The following MSH6 variants were observed in gnomAD, a reference collection of about 807,000 sequenced individuals.
MSH6 encodes mutS homolog 6, also known as DNA mismatch repair protein Msh6.
A neutral mutation model predicts 119.1 loss-of-function variants in MSH6; 85 were observed. That is an observed-to-expected ratio of 0.71 (90% CI 0.60 to 0.85). The LOEUF (loss-of-function observed/expected upper bound fraction) is 0.85. Ranked by LOEUF, MSH6 falls within the 40% of genes least tolerant of loss-of-function variation. The pLI, the probability that MSH6 is intolerant of heterozygous loss-of-function variation, is 0.00. For missense variants in MSH6, 2,163 were observed against 1,655.3 expected (o/e 1.31, Z -5.32); for synonymous variants, 830 against 586.9 (o/e 1.41, Z -5.99).
intron 4 of MSH6, 150 bp from the exon 5 acceptor site, chr2:47,803,270 G>A: frequency 3.7e-6 from 4 of 1,092,752 alleles, no homozygotes; most frequent in Non-Finnish European, 5.4e-6. Flanking sequence ...AGATGTTAGA[G>A]GGTAAGTATT....
chr2:47,796,518 A>G (rs1162111796), intron 3 of MSH6, among the ~76,000 whole-genome samples: 1 of 152,214 alleles, frequency 6.6e-6, no homozygotes, highest in East Asian at 1.9e-4. Flanking sequence ...TTGGGATTAC[A>G]GGCATGAGCC....
At chr2:47,793,732 A>C (rs1668898175) in intron 2 of MSH6, among the ~76,000 whole-genome samples, 1 of 151,878 alleles carries the variant, frequency 6.6e-6, no homozygotes, top group Non-Finnish European at 1.5e-5. Flanking sequence ...AATTTGGCAG[A>C]ATTACTTTTT....
In MSH6 at chr2:47,783,415, C is replaced by A. The variant is rs572336612; in HGVS notation, c.182C>A (p.Ala61Glu). Residue 61 changes from alanine to glutamate, a missense_variant, in exon 1 of 10, where the codon GCG becomes GAG. Ala to Glu is a moderately radical substitution (Grantham distance 107). Transcript: ENST00000234420. Reference sequence around the variant, plus strand: ...GCTGGGCCTGGGCCCAGGCCCTTGGCGCGCTCCGCGTCACCGCCCAAGGCG... The same window carrying A: ...GCTGGGCCTGGGCCCAGGCCCTTGGAGCGCTCCGCGTCACCGCCCAAGGCG... ...SEAGPGPRPL[A>E]RSASPPKAKN... 6.6e-7 allele frequency: 1 copy of A among 1,519,884 alleles called. No homozygotes were observed. The highest frequency in any genetic ancestry group is 1.2e-5 in the South Asian group (1 of 80,478). 94.1% of individuals were successfully genotyped at this position (1,519,884 alleles called of 1,614,324 possible). A position where few individuals can be genotyped will look rare whatever the true frequency, so the allele number is the denominator to read the frequency against.
At position 47,791,103 on chromosome 2, in the gene MSH6, G is replaced by C. The variant is rs1553410372; in HGVS notation, c.437G>C (p.Arg146Thr). The C allele has an allele frequency of 1.2e-6, 2 of 1,614,164 alleles. No individual in the cohort carries two copies. The highest frequency in any genetic ancestry group is 2.2e-5 in the South Asian group (2 of 91,072). ...CCAACAAGGGGCTGGGTTAGCAAAAGGCTTTTAAAGCCATATACAGGTAAG... is the reference window on the plus strand; with the variant it reads ...CCAACAAGGGGCTGGGTTAGCAAAACGCTTTTAAAGCCATATACAGGTAAG... ...DSPTRGWVSK[R>T]LLKPYTGSKS... is the part of the protein sequence containing the mutation. The change falls in exon 2 of 10, where the codon AGG becomes ACG. Residue 146 changes from arginine to threonine, a missense_variant. By Grantham distance (71) the Arg-to-Thr change is moderately conservative. Coordinates refer to ENST00000234420, the MANE Select transcript of MSH6 (RefSeq NM_000179.3).
chr2:47,793,579 C>T (rs897999258), intron 2 of MSH6, among the ~76,000 whole-genome samples: 1 of 150,762 alleles, frequency 6.6e-6, no homozygotes, highest in Non-Finnish European at 1.5e-5. Context: ...TGCACTCCAG[C>T]CTGGGGAACG....
Position 47,798,892 on chromosome 2 carries a change from G to A in MSH6, c.909G>A (p.Met303Ile), listed in dbSNP as rs786201688. The A allele has an allele frequency of 3.7e-6, 6 of 1,614,166 alleles. No individual in the cohort carries two copies. The highest frequency in any genetic ancestry group is 5.1e-6 in the Non-Finnish European group (6 of 1,180,034). ...AAGTTGCTCGAAAGCGGAAGAGAAT[G>A]GTGACTGGAAATGGCTCTCTTAAAA... is the stretch of plus-strand genomic sequence containing the variant. The part of the protein sequence containing the change: ...PVKVARKRKR[M>I]VTGNGSLKRK... Residue 303 changes from methionine to isoleucine, a missense_variant, in exon 4 of 10, where the codon ATG becomes ATA. Transcript: ENST00000234420.
In MSH6 at chr2:47,806,644, T is replaced by C. The variant is rs786204160; in HGVS notation, c.3994T>C (p.Leu1332=). ...EFEKMNQSLR[L]FREVCLASER... is the part of the protein sequence containing the mutation. ...TGAGAAGATGAATCAGTCACTACGA[T>C]TATTTCGGTAACTAACTAACTATAA... is the stretch of plus-strand genomic sequence containing the variant. Residue 1332 remains leucine, a synonymous_variant, in exon 9 of 10, where the codon TTA becomes CTA. Coordinates refer to ENST00000234420, the MANE Select transcript of MSH6 (RefSeq NM_000179.3). The C allele has an allele frequency of 6.2e-7, 1 of 1,609,878 alleles. No homozygotes were observed. The highest frequency in any genetic ancestry group is 8.5e-7 in the Non-Finnish European group (1 of 1,179,006).
chr2:47,784,220 G>C (rs1435151936), intron 1 of MSH6: 1 of 1,003,138 alleles, frequency 1.0e-6, no homozygotes, highest in African/African-American at 1.7e-5. Flanking sequence ...GAAGTGCTGG[G>C]ATCCGGCTGG....
At chr2:47,796,254 A>C (rs1385214863) in intron 3 of MSH6, among the ~76,000 whole-genome samples, 191 bp downstream of exon 3, 8 of 152,218 alleles carry the variant, frequency 5.3e-5, no homozygotes, top group African/African-American at 1.9e-4. Context: ...CTCAACAGCT[A>C]GCATCGTTTT....
Position 47,799,532 on chromosome 2 carries a change from A to C in MSH6, c.1549A>C (p.Ile517Leu). 1 of 1,614,190 alleles carries C rather than the reference A, an allele frequency of 6.2e-7. No individual in the cohort carries two copies. The highest frequency in any genetic ancestry group is 8.5e-7 in the Non-Finnish European group (1 of 1,180,010). ...RVVRREICRI[I>L]TKGTQTYSVL... ...GGTGAGGAGGGAGATCTGTAGGATC[A>C]TTACCAAGGGTACACAGACTTACAG... Residue 517 changes from isoleucine (I) to leucine (L), a missense_variant, in exon 4 of 10, where the codon ATT (isoleucine) becomes CTT (leucine). Physicochemically the swap from Ile to Leu is conservative, Grantham distance 5 (BLOSUM62 2). Transcript: ENST00000234420.
Position 47,803,402 on chromosome 2 carries a change from T to A in MSH6, c.3173-18T>A, listed in dbSNP as rs189672273. ...CCCCCAAACGATGAAGCCTCACTTT[T>A]ACCCTCTCTTTTAACAGATGTTTTA... On this transcript the variant is annotated intron_variant, in intron 4 of 9. Transcript: ENST00000234420. 3.7e-4 allele frequency: 592 copies of A among 1,614,186 alleles called. 1 individual carries two copies. The African/African-American group carries it at 7.0e-3, about 19-fold the overall frequency.
intron 2 of MSH6, among the ~76,000 whole-genome samples, chr2:47,792,091 C>T (rs190829709): frequency 1.5e-3 from 235 of 152,262 alleles, no homozygotes; most frequent in Admixed American, 4.1e-3. Context: ...AGTAATCCAC[C>T]CACCTCCCCC....
At position 47,799,696 on chromosome 2, in the gene MSH6, T is replaced by G. The variant is rs781019496; in HGVS notation, c.1713T>G (p.Gly571=). 1 of 1,614,194 alleles carries G rather than the reference T, an allele frequency of 6.2e-7. No individual in the cohort carries two copies. The highest frequency in any genetic ancestry group is 8.5e-7 in the Non-Finnish European group (1 of 1,180,042). Residue 571 remains glycine, a synonymous_variant, in exon 4 of 10, where the codon GGT becomes GGG. Coordinates refer to ENST00000234420, the MANE Select transcript of MSH6 (RefSeq NM_000179.3). ...VDTSLGKFFI[G]QFSDDRHCSR... ...CTTCACTGGGAAAGTTTTTCATAGG[T>G]CAGTTTTCAGATGATCGCCATTGTT...
intron 1 of MSH6, among the ~76,000 whole-genome samples, chr2:47,788,935 T>TTTTTTTG (rs1558650297): frequency 2.9e-4 from 28 of 96,638 alleles, no homozygotes; most frequent in African/African-American, 1.3e-3. Flanking sequence ...TTTTTTTTTT[T>TTTTTTTG]TTTTTTTTTT....
Position 47,806,563 on chromosome 2 carries a change from C to T in MSH6, c.3913C>T (p.Leu1305Phe), listed in dbSNP as rs1670120604. Residue 1305 changes from leucine (L) to phenylalanine (F), a missense_variant, in exon 9 of 10, where the codon CTT becomes TTT. By Grantham distance (22) the Leu-to-Phe change is conservative. Transcript: ENST00000234420. ...PKSYGFNAAR[L>F]ANLPEEVIQK... ...AAGCTATGGCTTTAATGCAGCAAGG[C>T]TTGCTAATCTCCCAGAGGAAGTTAT... 6.2e-7 allele frequency: 1 copy of T among 1,613,592 alleles called. No homozygotes were observed. Among genetic ancestry groups the T allele is most frequent in the Admixed American group, 1.7e-5 (1 of 59,950 alleles).
rs1572729104 is a variant in MSH6 at position 47,800,867 on chromosome 2, A to G, written c.2884A>G (p.Ile962Val). The G allele has an allele frequency of 6.2e-7, 1 of 1,613,816 alleles. No homozygotes were observed. Among genetic ancestry groups the G allele is most frequent in the Non-Finnish European group, 8.5e-7 (1 of 1,179,920 alleles). Residue 962 changes from isoleucine to valine, a missense_variant, in exon 4 of 10, where the codon ATT (isoleucine) becomes GTT (valine). Coordinates refer to ENST00000234420, the MANE Select transcript of MSH6 (RefSeq NM_000179.3). ...ATACCTAGAGAAACAGCGCAACAGA[A>G]TTGGCTGTAGGACCATAGTCTATTG... ...LEYLEKQRNR[I>V]GCRTIVYWGI...
intron 4 of MSH6, among the ~76,000 whole-genome samples, 173 bp from the exon 5 acceptor site, chr2:47,803,247 A>T (rs1669716606): frequency 6.6e-6 from 1 of 152,122 alleles, no homozygotes; most frequent in South Asian, 2.1e-4. Flanking sequence ...TTCCCTTGGC[A>T]CTTCTATGGT....
At position 47,800,245 on chromosome 2, in the gene MSH6, T is replaced by A. The variant is rs553076837; in HGVS notation, c.2262T>A (p.Thr754=). ...EIFLNGTNGS[T]EGTLLERVDT... ...TTCTGAATGGAACAAATGGTTCTAC[T>A]GAAGGAACCCTACTAGAGAGGGTTG... is the stretch of plus-strand genomic sequence containing the variant. Residue 754 remains threonine, a synonymous_variant, in exon 4 of 10, where the codon ACT becomes ACA. Coordinates refer to ENST00000234420, the MANE Select transcript of MSH6 (RefSeq NM_000179.3). 6.2e-7 allele frequency: 1 copy of A among 1,614,188 alleles called. No individual in the cohort carries two copies. Among genetic ancestry groups the A allele is most frequent in the Admixed American group, 1.7e-5 (1 of 60,032 alleles).
At chr2:47,804,266 A>C (rs949520505) in intron 5 of MSH6, among the ~76,000 whole-genome samples, 2 of 152,184 alleles carry the variant, frequency 1.3e-5, no homozygotes, top group Admixed American at 6.5e-5. Flanking sequence ...GTACACCATC[A>C]TGCCTAGCTC....
Sources: gnomAD v4.1 joint callset for allele counts (sites outside exome capture counted in the v4.1 genomes callset) on GRCh38, gnomAD v4.1.1 for gene constraint, MANE v1.5 for transcripts, NCBI Gene and HGNC (gene_info 2026-07-23, HGNC 2026-07-21) for gene names.